The following FBN3 variants were observed in gnomAD, a reference collection of about 807,000 sequenced individuals.
FBN3 encodes fibrillin 3.
Under a neutral mutation model 330.1 loss-of-function variants are expected in FBN3, and 234 were observed. The ratio of observed to expected loss-of-function variants is 0.71; its 90% CI spans 0.64 to 0.79. The LOEUF is 0.79. Ranked by LOEUF, FBN3 falls within the 30% of genes least tolerant of loss-of-function variation. FBN3 has a pLI of 0.00. For missense variants in FBN3, 3,606 were observed against 3,886.9 expected, an observed-to-expected ratio of 0.93 and a Z score of 1.92; for synonymous variants, 1,458 against 1,517.3, an observed-to-expected ratio of 0.96 and a Z score of 0.91.
chr19:8,109,798 G>T lies in FBN3; in HGVS notation c.4334-45C>A. ...TCCTCAGCAGGGAGCCCCTTCCTCG[G>T]CCCCCCTCCCTCCTAGCTTCATCCT... is the stretch of plus-strand genomic sequence containing the variant. On this transcript the variant is annotated intron_variant, in intron 34 of 63. Coordinates refer to ENST00000600128, the MANE Select transcript of FBN3 (RefSeq NM_032447.5). This position sits in a 1 kb window ranked among gnomAD's most constrained non-coding sequence, Gnocchi z 5.2. 6.9e-7 allele frequency: 1 copy of T among 1,442,078 alleles called. No individual in the cohort carries two copies. Among genetic ancestry groups the T allele is most frequent in the Non-Finnish European group, 9.1e-7 (1 of 1,096,238 alleles). The allele number at this position is 1,442,078 out of a possible 1,614,324, so 89.3% of individuals were successfully genotyped here. A position where few individuals can be genotyped will look rare whatever the true frequency, so the allele number is the denominator to read the frequency against.
chr19:8,122,905 C>T (rs1439068052), intron 24 of FBN3, among the ~76,000 whole-genome samples: 2 of 151,622 alleles, frequency 1.3e-5, no homozygotes, highest in Admixed American at 6.6e-5. Flanking sequence ...CATCGTGATC[C>T]GCCCGCCTCA....
intron 8 of FBN3, among the ~76,000 whole-genome samples, chr19:8,141,038 C>G (rs1399881880): frequency 6.6e-6 from 1 of 151,254 alleles, no homozygotes; most frequent in East Asian, 1.9e-4. Flanking sequence ...TAAAAAAATA[C>G]AAAAAAATTA....
At chr19:8,095,588 T>C in intron 45 of FBN3, 85 bp from the exon 46 acceptor site, 1 of 1,464,780 alleles carries the variant, frequency 6.8e-7, no homozygotes. Flanking sequence ...ACAACTGAGT[T>C]GAGCTGACAG....
chr19:8,135,935 T>TGTG, intron 13 of FBN3, 26 bp downstream of exon 13: 1 of 1,344,154 alleles, frequency 7.4e-7, no homozygotes, highest in Non-Finnish European at 1.0e-6. Context: ...CGGAAGCCCC[T>TGTG]GCCCACCCGC....
At chr19:8,089,995 C>T (rs757939751) in intron 49 of FBN3, 36 bp from the exon 50 acceptor site, 1 of 1,603,526 alleles carries the variant, frequency 6.2e-7, no homozygotes, top group African/African-American at 1.3e-5. Flanking sequence ...AGAGTCAGGG[C>T]CTAGGTGCAG....
At chr19:8,101,868 G>C (rs1409803317) in intron 40 of FBN3, among the ~76,000 whole-genome samples, 1 of 152,202 alleles carries the variant, frequency 6.6e-6, no homozygotes, top group African/African-American at 2.4e-5. Flanking sequence ...AAGCTGCCTT[G>C]CTCACTTTAA....
At position 8,125,959 on chromosome 19, in the gene FBN3, A is replaced by T. The variant is rs750676476; in HGVS notation, c.2664T>A (p.Thr888=). ...GACACTCACAGCGGAAAGACCCAGC[A>T]GTGTTGACGCAACGCCCGTTGGGAC... ...GVCPNGRCVN[T]AGSFRCECPE... The change falls in exon 22 of 64, where the codon ACT becomes ACA. Residue 888 remains threonine (T), a synonymous_variant. Coordinates refer to ENST00000600128, the MANE Select transcript of FBN3 (RefSeq NM_032447.5). 2 of 1,613,940 alleles carry T rather than the reference A, an allele frequency of 1.2e-6. No individual in the cohort carries two copies. Among genetic ancestry groups the T allele is most frequent in the Admixed American group, 3.3e-5 (2 of 59,988 alleles).
In FBN3 at chr19:8,121,549, G is replaced by T. The variant is rs1393348950; in HGVS notation, c.3083-163C>A. Among the ~76,000 whole-genome samples the T allele has an allele frequency of 6.6e-6, 1 of 152,148 alleles. No homozygotes were observed. The highest frequency in any genetic ancestry group is 2.4e-5 in the African/African-American group (1 of 41,438). ...AGGGGAGGCATGATGCAGGCATGAT[G>T]GGGTGCCGTATGGGGTCATCGAATC... is the stretch of plus-strand genomic sequence containing the variant. On this transcript the variant is annotated intron_variant, in intron 24 of 63. Transcript: ENST00000600128. The surrounding 1 kb of genome is among the most constrained non-coding windows in gnomAD (Gnocchi z 4.5).
At chr19:8,135,935 T>TGGGGGGGGGGGGGGGGGGGGGGGGGGG in intron 13 of FBN3, 26 bp downstream of exon 13, 2 of 1,344,154 alleles carry the variant, frequency 1.5e-6, no homozygotes, top group Non-Finnish European at 1.0e-6. Flanking sequence ...CGGAAGCCCC[T>TGGGGGGGGGGGGGGGGGGGGGGGGGGG]GCCCACCCGC....
intron 13 of FBN3, among the ~76,000 whole-genome samples, chr19:8,133,447 A>G (rs2083198607): frequency 6.6e-6 from 1 of 151,714 alleles, no homozygotes; most frequent in African/African-American, 2.4e-5. Flanking sequence ...ATTTTTTAAA[A>G]GACAACAATT....
intron 13 of FBN3, among the ~76,000 whole-genome samples, chr19:8,133,996 A>G (rs529634185): frequency 1.7e-3 from 254 of 150,278 alleles, no homozygotes; most frequent in African/African-American, 5.9e-3. Context: ...GGAGGCCGAG[A>G]TGGGCAGATC....
chr19:8,119,011 A>G lies in FBN3; in HGVS notation c.3223T>C (p.Cys1075Arg). The change falls in exon 26 of 64, where the codon TGT becomes CGT. Residue 1075 changes from cysteine (C) to arginine (R), a missense_variant. By Grantham distance (180) the Cys-to-Arg change is radical (BLOSUM62 -3). Transcript: ENST00000600128. ...CGGCAGAGCAGCGGGTCCCTTGCAC[A>G]CTCGTCCACGTCTGAAGGTTTGTGT... Reference protein sequence around the residue: ...LMKNCMDVDECARDPLLCRGG... With the variant: ...LMKNCMDVDERARDPLLCRGG... The G allele has an allele frequency of 6.2e-7, 1 of 1,602,022 alleles. No homozygotes were observed. Among genetic ancestry groups the G allele is most frequent in the African/African-American group, 1.3e-5 (1 of 74,836 alleles).
Position 8,115,753 on chromosome 19 carries a change from G to C in FBN3, c.3713-113C>G, listed in dbSNP as rs1190412287. On this transcript the variant is annotated intron_variant, in intron 29 of 63. Transcript: ENST00000600128. ...CATTCCTGACTGTCCCGCCGCACAG[G>C]TCCTCTCTGCTAGGACTCTCTTTCT... 3 of 1,248,994 alleles carry C rather than the reference G, an allele frequency of 2.4e-6. No individual in the cohort carries two copies. In the African/African-American group the frequency reaches 4.4e-5, roughly 18 times the overall value. The allele number at this position is 1,248,994 out of a possible 1,614,324, so 77.4% of individuals were successfully genotyped here.
At chr19:8,136,660 CCT>C in intron 10 of FBN3, 129 bp from the exon 11 acceptor site, 2 of 1,241,508 alleles carry the variant, frequency 1.6e-6, no homozygotes. Flanking sequence ...CAGATCCTGC[CCT>C]CTTTCTCATG....
Position 8,129,056 on chromosome 19 carries a change from G to T in FBN3, c.2268C>A (p.His756Gln). 6.2e-7 allele frequency: 1 copy of T among 1,613,460 alleles called. No homozygotes were observed. The highest frequency in any genetic ancestry group is 8.5e-7 in the Non-Finnish European group (1 of 1,179,912). Reference sequence around the variant, plus strand: ...TGCAGATCTCCGTGTCCTGCCAGAAGTGGAAGCCGGGGGGGCAGGAGCAGC... The same window carrying T: ...TGCAGATCTCCGTGTCCTGCCAGAATTGGAAGCCGGGGGGGCAGGAGCAGC... ...SYSCSCPPGF[H>Q]FWQDTEICKD... The change falls in exon 18 of 64, where the codon CAC becomes CAA. Residue 756 changes from histidine to glutamine, a missense_variant. His to Gln is a conservative substitution (Grantham distance 24, BLOSUM62 0). Transcript: ENST00000600128. This position sits in a 1 kb window ranked among gnomAD's most constrained non-coding sequence, Gnocchi z 4.5.
intron 45 of FBN3, 99 bp from the exon 46 acceptor site, chr19:8,095,602 T>C (rs777240108): frequency 1.5e-6 from 2 of 1,337,414 alleles, no homozygotes; most frequent in East Asian, 2.4e-5. Context: ...CTGACAGCAT[T>C]GGCTTCAACT....
intron 53 of FBN3, among the ~76,000 whole-genome samples, chr19:8,087,598 ATTTTTTTTTTT>A (rs35631767): frequency 2.4e-4 from 18 of 75,462 alleles, no homozygotes; most frequent in African/African-American, 8.7e-4. Flanking sequence ...GCATTGCAGG[ATTTTTTTTTTT>A]TTTTTTTTTT....
intron 59 of FBN3, among the ~76,000 whole-genome samples, chr19:8,079,174 A>G (rs2081714565): frequency 6.6e-6 from 1 of 152,054 alleles, no homozygotes; most frequent in Non-Finnish European, 1.5e-5. Flanking sequence ...TTGAGGCTTC[A>G]GTGTGCTGTG....
intron 41 of FBN3, among the ~76,000 whole-genome samples, chr19:8,100,607 G>A (rs1420235595): frequency 2.0e-5 from 3 of 152,228 alleles, no homozygotes; most frequent in African/African-American, 7.2e-5. Flanking sequence ...CAAAGTGCTG[G>A]GATGACAGGC....
Sources: allele counts gnomAD v4.1 joint callset (sites outside exome capture counted in the v4.1 genomes callset), GRCh38; gene constraint gnomAD v4.1.1; non-coding constraint Gnocchi (gnomAD v3.1); transcripts MANE v1.5; gene names NCBI Gene and HGNC (gene_info 2026-07-23, HGNC 2026-07-21).